The following DNM1 variants were observed in gnomAD, a reference collection of about 807,000 sequenced individuals.
DNM1 encodes the protein dynamin 1.
In DNM1, 29 loss-of-function variants were observed where a neutral mutation model predicts 104.6. The ratio of observed to expected loss-of-function variants is 0.28; its 90% CI spans 0.21 to 0.38. The LOEUF is 0.38. DNM1 is among the 10% of genes least tolerant of loss of function. The probability of loss-of-function intolerance (pLI) is 1.00; values close to 1 mark genes in which losing one functional copy is unlikely to be tolerated. For synonymous variants in DNM1, 445 were observed against 475.8 expected (o/e 0.94, Z 0.84); for missense variants, 640 against 1,189.4 (o/e 0.54, Z 6.79).
chr9:128,232,419 A>T (rs1835752379), intron 10 of DNM1, among the ~76,000 whole-genome samples: 1 of 151,980 alleles, frequency 6.6e-6, no homozygotes, highest in Non-Finnish European at 1.5e-5. Context: ...CACATCATCC[A>T]CGCCCTTGGC....
intron 13 of DNM1, 34 bp downstream of exon 13, chr9:128,239,813 G>A (rs371764851): frequency 5.2e-4 from 835 of 1,602,466 alleles, no homozygotes; most frequent in Admixed American, 6.5e-4. Flanking sequence ...CCCGAGGGAT[G>A]GAGGGTGCCG....
Position 128,248,453 on chromosome 9 carries a change from G to A in DNM1, c.1906-130G>A. 9.9e-7 allele frequency: 1 copy of A among 1,010,666 alleles called. No homozygotes were observed. The highest frequency in any genetic ancestry group is 1.4e-6 in the Non-Finnish European group (1 of 700,272). The allele number at this position is 1,010,666 out of a possible 1,614,324, so 62.6% of individuals were successfully genotyped here. ...GGCACAGGGATGCGGAGCCAGGTATGTATTCAGGCCAGTCGCTTCTCTCTG... is the reference window on the plus strand; with the variant it reads ...GGCACAGGGATGCGGAGCCAGGTATATATTCAGGCCAGTCGCTTCTCTCTG... On this transcript the variant is annotated intron_variant, in intron 18 of 21. Coordinates refer to ENST00000372923, the MANE Select transcript of DNM1 (RefSeq NM_004408.4). This position sits in a 1 kb window ranked among gnomAD's most constrained non-coding sequence, Gnocchi z 5.6.
chr9:128,219,912 G>A (rs1442751549), intron 4 of DNM1, 76 bp from the exon 5 acceptor site: 3 of 1,195,960 alleles, frequency 2.5e-6, no homozygotes, highest in South Asian at 3.0e-5. Flanking sequence ...AGAGCAGGGG[G>A]ATGGGAGTGG....
Position 128,224,968 on chromosome 9 carries a change from C to T in DNM1, c.1335+579C>T, listed in dbSNP as rs1835254727. Among the ~76,000 whole-genome samples the T allele has an allele frequency of 6.6e-6, 1 of 152,206 alleles. No individual in the cohort carries two copies. Among genetic ancestry groups the T allele is most frequent in the Non-Finnish European group, 1.5e-5 (1 of 68,048 alleles). ...CTCAGGGCCTCTCCCTCCCTTCCATCCACATCTGGCTTTCCAGGGATAGAG... is the reference window on the plus strand; with the variant it reads ...CTCAGGGCCTCTCCCTCCCTTCCATTCACATCTGGCTTTCCAGGGATAGAG... On this transcript the variant is annotated intron_variant, in intron 10 of 21. Transcript: ENST00000372923. This position sits in a 1 kb window ranked among gnomAD's most constrained non-coding sequence, Gnocchi z 4.3.
Position 128,247,578 on chromosome 9 carries a change from G to A in DNM1, c.1893+92G>A, listed in dbSNP as rs1286721733. On this transcript the variant is annotated intron_variant, in intron 17 of 21. Coordinates refer to ENST00000372923, the MANE Select transcript of DNM1 (RefSeq NM_004408.4). This position sits in a 1 kb window ranked among gnomAD's most constrained non-coding sequence, Gnocchi z 5.1. The stretch of plus-strand genomic sequence containing the variant: ...TGATGCCAAGTCATGCCATGTTTCC[G>A]AGCCCTTATTTGGCTCAGAAATAAT... 7.3e-6 allele frequency: 8 copies of A among 1,093,370 alleles called. No homozygotes were observed. Among genetic ancestry groups the A allele is most frequent in the African/African-American group, 1.6e-5 (1 of 64,410 alleles). The allele number at this position is 1,093,370 out of a possible 1,614,324, so 67.7% of individuals were successfully genotyped here. A position where few individuals can be genotyped will look rare whatever the true frequency, so the allele number is the denominator to read the frequency against.
intron 10 of DNM1, among the ~76,000 whole-genome samples, chr9:128,229,501 G>A (rs1021372402): frequency 6.6e-6 from 1 of 151,174 alleles, no homozygotes; most frequent in African/African-American, 2.4e-5. Context: ...GGTGGCTGAT[G>A]TGGGAGGACT....
At chr9:128,216,902 A>G (rs3003599) in intron 1 of DNM1, among the ~76,000 whole-genome samples, 124,808 of 152,170 alleles carry the variant, frequency 0.82, 51,342 homozygotes, top group East Asian at 1. Context: ...CTCGGGCTTC[A>G]ACCTGTTCCC....
chr9:128,248,218 T>C lies in DNM1; in HGVS notation c.1905+283T>C. Reference sequence around the variant, plus strand: ...GGTGCGCGCCTGTAATCCCAGCTACTCAGGAGGCTGAGGCAGGAGAATCGC... The same window carrying C: ...GGTGCGCGCCTGTAATCCCAGCTACCCAGGAGGCTGAGGCAGGAGAATCGC... On this transcript the variant is annotated intron_variant, in intron 18 of 21. Coordinates refer to ENST00000372923, the MANE Select transcript of DNM1 (RefSeq NM_004408.4). This position sits in a 1 kb window ranked among gnomAD's most constrained non-coding sequence, Gnocchi z 5.6. 1 of 521,400 alleles carries C rather than the reference T, an allele frequency of 1.9e-6. No individual in the cohort carries two copies. The highest frequency in any genetic ancestry group is 3.3e-5 in the Admixed American group (1 of 30,370). 32.3% of individuals were successfully genotyped at this position (521,400 alleles called of 1,614,324 possible).
chr9:128,212,474 GAAGGAAGGAAGGAAGGAATC>G (rs1222908991), intron 1 of DNM1, among the ~76,000 whole-genome samples: 3 of 152,076 alleles, frequency 2.0e-5, no homozygotes, highest in African/African-American at 7.2e-5. Flanking sequence ...GACCCGGCTG[GAAGGAAGGAAGGAAGGAATC>G]AAGGAAGGAA....
At chr9:128,242,470 C>T (rs528061413) in intron 15 of DNM1, 125 bp downstream of exon 15, 4 of 595,252 alleles carry the variant, frequency 6.7e-6, no homozygotes, top group African/African-American at 1.9e-5. Context: ...GTCAAAGATC[C>T]GTGGGCAGGC....
chr9:128,225,897 T>TCGA, intron 10 of DNM1: 1 of 730,854 alleles, frequency 1.4e-6, no homozygotes, highest in Non-Finnish European at 2.3e-6. Flanking sequence ...TTTATCTGTG[T>TCGA]CGATGTCTCT....
At chr9:128,239,415 G>A (rs760426869) in intron 11 of DNM1, 30 bp from the exon 12 acceptor site, 162 of 1,597,878 alleles carry the variant, frequency 1.0e-4, no homozygotes, top group Admixed American at 2.0e-4. Flanking sequence ...TGTCTTTTGC[G>A]CTTGCCCACC....
chr9:128,246,631 G>C, intron 16 of DNM1, 128 bp downstream of exon 16: 1 of 654,286 alleles, frequency 1.5e-6, no homozygotes, highest in Non-Finnish European at 2.8e-6. Context: ...TCCACTGACA[G>C]ATGCTTATTG....
In DNM1 at chr9:128,222,447, CACT is replaced by C. The variant is rs1465998294; in HGVS notation, c.993-13_993-11del. On this transcript the variant is annotated splice_polypyrimidine_tract_variant and intron_variant, in intron 7 of 21. Coordinates refer to ENST00000372923, the MANE Select transcript of DNM1 (RefSeq NM_004408.4). This position sits in a 1 kb window ranked among gnomAD's most constrained non-coding sequence, Gnocchi z 7.8. ...CTGCTCCTGCCCCCTCAGGCCACACCACTCTCCCACCAGGATGGTCCAGCAGTT... is the reference window on the plus strand; with the variant it reads ...CTGCTCCTGCCCCCTCAGGCCACACCCTCCCACCAGGATGGTCCAGCAGTT... 1.2e-6 allele frequency: 2 copies of C among 1,613,922 alleles called. No individual in the cohort carries two copies. The highest frequency in any genetic ancestry group is 1.7e-6 in the Non-Finnish European group (2 of 1,179,946).
In DNM1 at chr9:128,223,040, G is replaced by A. The variant is rs111372530; in HGVS notation, c.1196+180G>A. ...GGCTCCAGCTTGGGGAGGTGGACCC[G>A]GGCCACCCCGCCTACTGCAACTTGC... On this transcript the variant is annotated intron_variant, in intron 9 of 21. Transcript: ENST00000372923. 7.7e-4 allele frequency: 492 copies of A among 635,140 alleles called. 3 individuals are homozygous for A. Among genetic ancestry groups the A allele is most frequent in the African/African-American group, 7.6e-3 (413 of 54,480 alleles). The allele number at this position is 635,140 out of a possible 1,614,324, so 39.3% of individuals were successfully genotyped here.
At position 128,254,258 on chromosome 9, in the gene DNM1, A is replaced by G. The variant is rs1829711273; in HGVS notation, c.2535-396A>G. 2.2e-6 allele frequency: 3 copies of G among 1,377,784 alleles called. No individual in the cohort carries two copies. Among genetic ancestry groups the G allele is most frequent in the Non-Finnish European group, 2.8e-6 (3 of 1,075,780 alleles). The allele number at this position is 1,377,784 out of a possible 1,614,324, so 85.3% of individuals were successfully genotyped here. ...CTCTATCAGGCCTGGTGGCTGTTGC[A>G]TGGGGCTCCCCAAGGCAAGGGGTGG... On this transcript the variant is annotated intron_variant, in intron 21 of 21. Transcript: ENST00000372923. This position sits in a 1 kb window ranked among gnomAD's most constrained non-coding sequence, Gnocchi z 6.1.
Position 128,222,972 on chromosome 9 carries a change from C to G in DNM1, c.1196+112C>G. 1 of 1,077,132 alleles carries G rather than the reference C, an allele frequency of 9.3e-7. No homozygotes were observed. Among genetic ancestry groups the G allele is most frequent in the Non-Finnish European group, 1.4e-6 (1 of 724,226 alleles). 66.7% of individuals were successfully genotyped at this position (1,077,132 alleles called of 1,614,324 possible). A position where few individuals can be genotyped will look rare whatever the true frequency, so the allele number is the denominator to read the frequency against. The stretch of plus-strand genomic sequence containing the variant: ...CTCAGGAAGGACTGAAAGCTCTGTT[C>G]CCCAGTCCTCTCGACCCCAACTTTC... On this transcript the variant is annotated intron_variant, in intron 9 of 21. Coordinates refer to ENST00000372923, the MANE Select transcript of DNM1 (RefSeq NM_004408.4). This position sits in a 1 kb window ranked among gnomAD's most constrained non-coding sequence, Gnocchi z 7.8.
chr9:128,212,572 T>A (rs1479288828), intron 1 of DNM1, among the ~76,000 whole-genome samples: 1 of 152,196 alleles, frequency 6.6e-6, no homozygotes, highest in Non-Finnish European at 1.5e-5. Flanking sequence ...ACTTTGGAAA[T>A]GTCTATGATA....
At chr9:128,209,093 G>A (rs1271808595) in intron 1 of DNM1, among the ~76,000 whole-genome samples, 1 of 152,172 alleles carries the variant, frequency 6.6e-6, no homozygotes, top group Non-Finnish European at 1.5e-5. Context: ...CCACCCACCT[G>A]GAGAGCTGCC....
Sources: allele counts gnomAD v4.1 joint callset (sites outside exome capture counted in the v4.1 genomes callset), GRCh38; gene constraint gnomAD v4.1.1; non-coding constraint Gnocchi (gnomAD v3.1); transcripts MANE v1.5; gene names NCBI Gene and HGNC (gene_info 2026-07-23, HGNC 2026-07-21).